GAL3ST4: variants seen among roughly 807,000 people sequenced by gnomAD.
The protein encoded by GAL3ST4 is beta-galactose-3-O-sulfotransferase 4.
In GAL3ST4, 30 loss-of-function variants were observed where a neutral mutation model predicts 31.6. The ratio of observed to expected loss-of-function variants is 0.95; its 90% CI spans 0.71 to 1.29. The LOEUF is 1.29. Among genes scored for constraint, GAL3ST4 ranks in the 50% most tolerant of loss-of-function variants. GAL3ST4 has a pLI of 0.00. For missense variants in GAL3ST4, 629 were observed against 625.2 expected, an observed-to-expected ratio of 1.01 and a Z score of -0.06; for synonymous variants, 248 against 256.9, an observed-to-expected ratio of 0.97 and a Z score of 0.33.
intron 3 of GAL3ST4, among the ~76,000 whole-genome samples, chr7:100,162,664 G>A (rs1444110682): frequency 2.8e-5 from 4 of 141,608 alleles, no homozygotes; most frequent in Non-Finnish European, 4.6e-5. Flanking sequence ...GAGGCTTGTC[G>A]GGGTCAGGGG....
In GAL3ST4 at chr7:100,159,930, A is replaced by G. The variant is rs141833027; in HGVS notation, c.1459T>C (p.Ter487GlnextTer14). The G allele has an allele frequency of 2.9e-5, 46 of 1,597,926 alleles. No individual in the cohort carries two copies. The Middle Eastern group carries it at 6.7e-4, about 23-fold the overall frequency. The change falls in exon 4 of 4, where the codon TAA becomes CAA. Residue 487 changes from the stop codon to glutamine (Q), a stop_lost. Transcript: ENST00000360039. ...CACCTAAATCTGTAGTCTGATGTTT[A>G]TGGGGAGAGTGGCCTTGAAGTCTTG... ...PLKTSRPLSP[*>Q] is the part of the protein sequence containing the mutation.
Position 100,160,083 on chromosome 7 carries a change from C to A in GAL3ST4, c.1306G>T (p.Gly436Cys). Residue 436 changes from glycine (G) to cysteine (C), a missense_variant, in exon 4 of 4, where the codon GGC becomes TGC. By Grantham distance (159) the Gly-to-Cys change is radical (BLOSUM62 -3). Coordinates refer to ENST00000360039, the MANE Select transcript of GAL3ST4 (RefSeq NM_024637.5). ...PFQFGSAKVL[G>C]YILRSGLSPQ... ...CTCAATCCACTCCGAAGTATATAGC[C>A]CAAAACCTTAGCTGACCCAAACTGG... is the stretch of plus-strand genomic sequence containing the variant. The A allele has an allele frequency of 6.2e-7, 1 of 1,614,112 alleles. No individual in the cohort carries two copies. Among genetic ancestry groups the A allele is most frequent in the Non-Finnish European group, 8.5e-7 (1 of 1,180,022 alleles).
At position 100,160,181 on chromosome 7, in the gene GAL3ST4, A is replaced by G. The variant is rs1798973975; in HGVS notation, c.1208T>C (p.Leu403Pro). The change falls in exon 4 of 4, where the codon CTA (leucine) becomes CCA (proline). Residue 403 changes from leucine (L) to proline (P), a missense_variant. Transcript: ENST00000360039. ...ACCCCCTACCAGACAATGTTTCGCT[A>G]GGGCCTCTCGGCGAGCCCGGAGCTC... Reference protein sequence around the residue: ...VAELRARREALAKHCLVGGEA... With the variant: ...VAELRARREAPAKHCLVGGEA... 1.2e-6 allele frequency: 2 copies of G among 1,614,136 alleles called. No individual in the cohort carries two copies. Among genetic ancestry groups the G allele is most frequent in the Non-Finnish European group, 1.7e-6 (2 of 1,180,000 alleles).
intron 3 of GAL3ST4, among the ~76,000 whole-genome samples, chr7:100,162,717 T>C (rs910890723): frequency 1.3e-5 from 2 of 149,834 alleles, no homozygotes; most frequent in African/African-American, 4.9e-5. Flanking sequence ...GCCTAATGCA[T>C]GCAAGGCTTA....
rs1798970352 is a variant in GAL3ST4 at position 100,160,026 on chromosome 7, C to T, written c.1363G>A (p.Ala455Thr). ...PQDQEECERL[A>T]TPELQYKDKL... is the part of the protein sequence containing the mutation. ...TCCTTGTACTGGAGCTCAGGGGTAG[C>T]TAGGCGCTCACATTCCTCTTGGTCT... Residue 455 changes from alanine (A) to threonine (T), a missense_variant, in exon 4 of 4, where the codon GCT becomes ACT. By Grantham distance (58) the Ala-to-Thr change is moderately conservative. Transcript: ENST00000360039. 1 of 1,613,948 alleles carries T rather than the reference C, an allele frequency of 6.2e-7. No homozygotes were observed. The highest frequency in any genetic ancestry group is 1.3e-5 in the African/African-American group (1 of 74,886).
rs1470242699 is a variant in GAL3ST4, at chr7:100,160,760, A to C, written c.629T>G (p.Leu210Arg). Residue 210 changes from leucine to arginine, a missense_variant, in exon 4 of 4, where the codon CTA becomes CGA. Coordinates refer to ENST00000360039, the MANE Select transcript of GAL3ST4 (RefSeq NM_024637.5). ...ARGDHYARNL[L>R]WFDFGLPFPP... ...AAAGGGCAGGCCAAAGTCAAACCAT[A>C]GTAAGTTGCGAGCGTAGTGGTCCCC... is the stretch of plus-strand genomic sequence containing the variant. 1 of 1,614,110 alleles carries C rather than the reference A, an allele frequency of 6.2e-7. No individual in the cohort carries two copies. Among genetic ancestry groups the C allele is most frequent in the Non-Finnish European group, 8.5e-7 (1 of 1,180,026 alleles).
chr7:100,167,304 G>C, intron 1 of GAL3ST4, 21 bp from the exon 2 acceptor site: 1 of 1,243,454 alleles, frequency 8.0e-7, no homozygotes. Context: ...AATGAGGGGG[G>C]AAGAAGGGAA....
chr7:100,166,428 G>C (rs1799073966), intron 3 of GAL3ST4, 74 bp downstream of exon 3: 1 of 1,484,502 alleles, frequency 6.7e-7, no homozygotes, highest in African/African-American at 1.4e-5. Flanking sequence ...CCCCAGGTCT[G>C]GGCCCCCTCC....
rs1799076955 is a variant in GAL3ST4, at chr7:100,166,554, G to T, written c.377C>A (p.Thr126Asn). Reference sequence around the variant, plus strand: ...ACAGAGGATGTGGAAGGGGAGCTGGGTGCCTCCACCCTGTGGGCGGTAGCC... The same window carrying T: ...ACAGAGGATGTGGAAGGGGAGCTGGTTGCCTCCACCCTGTGGGCGGTAGCC... ...VKGYRPQGGG[T>N]QLPFHILCHH... Residue 126 changes from threonine (T) to asparagine (N), a missense_variant, in exon 3 of 4, where the codon ACC becomes AAC. Transcript: ENST00000360039. 2 of 1,614,008 alleles carry T rather than the reference G, an allele frequency of 1.2e-6. No homozygotes were observed. The highest frequency in any genetic ancestry group is 2.7e-5 in the African/African-American group (2 of 74,906).
At chr7:100,166,407 G>T in intron 3 of GAL3ST4, 95 bp downstream of exon 3, 1 of 1,306,900 alleles carries the variant, frequency 7.7e-7, no homozygotes, top group Non-Finnish European at 1.1e-6. Flanking sequence ...GTGAGATGAT[G>T]CCTGGGGAGC....
rs551945117 is a variant in GAL3ST4, at chr7:100,159,883, C to T, written c.*45G>A. 3 of 1,481,246 alleles carry T rather than the reference C, an allele frequency of 2.0e-6. No homozygotes were observed. The highest frequency in any genetic ancestry group is 4.5e-5 in the East Asian group (2 of 44,046). 91.8% of individuals were successfully genotyped at this position (1,481,246 alleles called of 1,614,324 possible). On this transcript the variant is annotated 3_prime_UTR_variant, in exon 4 of 4. Transcript: ENST00000360039. ...GCTGCCCCCCACTCATCACATGTGC[C>T]CTTCAAACATGGCTGCTCTTCCACC...
intron 3 of GAL3ST4, among the ~76,000 whole-genome samples, chr7:100,165,530 C>G (rs1799057937): frequency 6.6e-6 from 1 of 151,998 alleles, no homozygotes; most frequent in South Asian, 2.1e-4. Context: ...AGGTGGGGCC[C>G]TGGTGTGACA....
rs371253641 is a variant in GAL3ST4 at position 100,168,320 on chromosome 7, C to T, written c.-189+226G>A. 7.4e-4 allele frequency among the ~76,000 whole-genome samples: 112 copies of T among 152,306 alleles called. No homozygotes were observed. The highest frequency in any genetic ancestry group is 3.4e-3 in the Middle Eastern group (1 of 294). On this transcript the variant is annotated intron_variant, in intron 1 of 3. Transcript: ENST00000360039. The surrounding 1 kb of genome is among the most constrained non-coding windows in gnomAD (Gnocchi z 4.1). ...CTGGCATCACTCCCCAATTCCCTCC[C>T]TGATCACAGCCCCTGGGGTCTAGCC...
intron 3 of GAL3ST4, among the ~76,000 whole-genome samples, chr7:100,164,179 G>T (rs1799040325): frequency 6.6e-6 from 1 of 152,162 alleles, no homozygotes; most frequent in Non-Finnish European, 1.5e-5. Context: ...TCCTCAGCTG[G>T]TGTCTCCAGC....
At position 100,167,211 on chromosome 7, in the gene GAL3ST4, C is replaced by T. The variant is rs1011158987; in HGVS notation, c.-116G>A. The T allele has an allele frequency of 6.5e-7, 1 of 1,541,914 alleles. No individual in the cohort carries two copies. The highest frequency in any genetic ancestry group is 1.4e-5 in the African/African-American group (1 of 73,030). ...AGGCACTGGTTGGAGATCGGGGGGT[C>T]ATTCCCCAGGCCTGCTCACAGTCTT... On this transcript the variant is annotated 5_prime_UTR_variant, in exon 2 of 4. The change abolishes an upstream ATG in the 5' untranslated region. Coordinates refer to ENST00000360039, the MANE Select transcript of GAL3ST4 (RefSeq NM_024637.5).
At position 100,160,988 on chromosome 7, in the gene GAL3ST4, G is replaced by C. The variant is rs773271109; in HGVS notation, c.430-29C>G. 3 of 1,538,138 alleles carry C rather than the reference G, an allele frequency of 2.0e-6. No individual in the cohort carries two copies. The South Asian group carries it at 3.8e-5, about 19-fold the overall frequency. ...CAGAGGAGGGAAGACAGAAGAGAGA[G>C]AACTGGGCTGGGGAGAAGGTATGCA... On this transcript the variant is annotated intron_variant, in intron 3 of 3. Coordinates refer to ENST00000360039, the MANE Select transcript of GAL3ST4 (RefSeq NM_024637.5).
At chr7:100,160,990 A>G (rs1033229310) in intron 3 of GAL3ST4, 31 bp from the exon 4 acceptor site, 9 of 1,536,188 alleles carry the variant, frequency 5.9e-6, no homozygotes, top group Non-Finnish European at 7.9e-6. Context: ...AAGAGAGAGA[A>G]CTGGGCTGGG....
rs1261223672 is a variant in GAL3ST4, at chr7:100,167,281, C to T, written c.-186G>A. The T allele has an allele frequency of 1.4e-5, 20 of 1,407,518 alleles. No individual in the cohort carries two copies. The South Asian group carries it at 2.2e-4, about 15-fold the overall frequency. The allele number at this position is 1,407,518 out of a possible 1,614,324, so 87.2% of individuals were successfully genotyped here. A position where few individuals can be genotyped will look rare whatever the true frequency, so the allele number is the denominator to read the frequency against. On this transcript the variant is annotated splice_region_variant and 5_prime_UTR_variant, in exon 2 of 4. Transcript: ENST00000360039. ...GTTAGCAGATTTTTGCCTCTGTCAG[C>T]GTCTAGAAGGGAAATGAGGGGGGAA... is the stretch of plus-strand genomic sequence containing the variant.
In GAL3ST4 at chr7:100,159,953, T is replaced by A; in HGVS notation, c.1436A>T (p.Lys479Met). Residue 479 changes from lysine (K) to methionine (M), a missense_variant, in exon 4 of 4, where the codon AAG (lysine) becomes ATG (methionine). Lys to Met is a moderately conservative substitution (Grantham distance 95). Transcript: ENST00000360039. ...TTATGGGGAGAGTGGCCTTGAAGTC[T>A]TGAGGGGCAGTGAGACGGTAGGGGG... is the stretch of plus-strand genomic sequence containing the variant. ...QFPPTVSLPLKTSRPLSP is the reference protein window; with the variant it reads ...QFPPTVSLPLMTSRPLSP The A allele has an allele frequency of 6.2e-7, 1 of 1,610,278 alleles. No homozygotes were observed. Among genetic ancestry groups the A allele is most frequent in the Non-Finnish European group, 8.5e-7 (1 of 1,178,060 alleles).
Sources: allele counts gnomAD v4.1 joint callset (sites outside exome capture counted in the v4.1 genomes callset), GRCh38; gene constraint gnomAD v4.1.1; non-coding constraint Gnocchi (gnomAD v3.1); transcripts MANE v1.5; gene names NCBI Gene and HGNC (gene_info 2026-07-23, HGNC 2026-07-21).